The following NETO2 variants were observed in gnomAD, a reference collection of about 807,000 sequenced individuals.
The protein encoded by NETO2 is neuropilin and tolloid like 2.
A neutral mutation model predicts 62.5 loss-of-function variants in NETO2; 28 were observed. That is an observed-to-expected ratio of 0.45 (90% confidence interval 0.33 to 0.61). NETO2 has a LOEUF of 0.61. NETO2 is among the 20% of genes least tolerant of loss of function. NETO2 has a pLI of 0.02. For missense variants in NETO2, 548 were observed against 643.2 expected (o/e 0.85, Z 1.60); for synonymous variants, 214 against 219.1 (o/e 0.98, Z 0.21).
intron 1 of NETO2, among the ~76,000 whole-genome samples, chr16:47,135,846 T>C (rs1165757826): frequency 6.6e-6 from 1 of 152,112 alleles, no homozygotes; most frequent in Non-Finnish European, 1.5e-5. Context: ...AAGACAAAAT[T>C]ATTATTTATA....
At chr16:47,089,531 A>C (rs953522750) in intron 7 of NETO2, among the ~76,000 whole-genome samples, 3 of 152,216 alleles carry the variant, frequency 2.0e-5, no homozygotes, top group Non-Finnish European at 4.4e-5. Flanking sequence ...TATATATCTA[A>C]TAAGTAATTT....
chr16:47,109,736 G>A, intron 6 of NETO2, 25 bp from the exon 7 acceptor site: 1 of 1,484,232 alleles, frequency 6.7e-7, no homozygotes. Context: ...CAAAAACACT[G>A]CTTTTAAAAA....
intron 4 of NETO2, 68 bp from the exon 5 acceptor site, chr16:47,122,980 T>A: frequency 7.0e-7 from 1 of 1,431,284 alleles, no homozygotes; most frequent in South Asian, 1.2e-5. Context: ...TGTCTTACAT[T>A]ACATCTAACG....
chr16:47,138,213 A>C (rs1342280183), intron 1 of NETO2, among the ~76,000 whole-genome samples: 1 of 152,248 alleles, frequency 6.6e-6, no homozygotes, highest in Non-Finnish European at 1.5e-5. Context: ...CAGCCTGAAC[A>C]ATATGGTGAA....
intron 7 of NETO2, among the ~76,000 whole-genome samples, chr16:47,095,119 T>G (rs1461410312): frequency 1.3e-5 from 2 of 152,230 alleles, no homozygotes; most frequent in Non-Finnish European, 2.9e-5. Context: ...ACTTCCCACA[T>G]GCTTACCAAA....
At chr16:47,141,154 T>C (rs1964454910) in intron 1 of NETO2, among the ~76,000 whole-genome samples, 1 of 152,216 alleles carries the variant, frequency 6.6e-6, no homozygotes, top group South Asian at 2.1e-4. Context: ...CTTAAAGAAC[T>C]AAAATTACTT....
At chr16:47,092,723 G>A (rs972976852) in intron 7 of NETO2, among the ~76,000 whole-genome samples, 1 of 152,184 alleles carries the variant, frequency 6.6e-6, no homozygotes, top group African/African-American at 2.4e-5. Context: ...AATTTAAAAG[G>A]TTTTAGAAAC....
intron 6 of NETO2, among the ~76,000 whole-genome samples, chr16:47,118,666 C>T (rs991259485): frequency 1.3e-5 from 2 of 152,150 alleles, no homozygotes; most frequent in African/African-American, 4.8e-5. Context: ...TATGCAAAAA[C>T]AGACAAAAAT....
chr16:47,140,271 T>G (rs1284539198), intron 1 of NETO2, among the ~76,000 whole-genome samples: 1 of 152,160 alleles, frequency 6.6e-6, no homozygotes, highest in Non-Finnish European at 1.5e-5. Flanking sequence ...CCTTTCCAAC[T>G]CAAAGATCAT....
intron 7 of NETO2, among the ~76,000 whole-genome samples, 156 bp from the exon 8 acceptor site, chr16:47,086,495 TTC>T (rs1963193187): frequency 6.6e-6 from 1 of 152,242 alleles, no homozygotes; most frequent in African/African-American, 2.4e-5. Context: ...AACGTCAATA[TTC>T]TCTGATGCTG....
At chr16:47,117,890 C>T (rs919467770) in intron 6 of NETO2, among the ~76,000 whole-genome samples, 1 of 152,068 alleles carries the variant, frequency 6.6e-6, no homozygotes, top group Non-Finnish European at 1.5e-5. Context: ...AGTTTGAGAA[C>T]AGCCTAGGCA....
At chr16:47,127,298 A>G (rs1436048881) in intron 4 of NETO2, among the ~76,000 whole-genome samples, 2 of 152,162 alleles carry the variant, frequency 1.3e-5, no homozygotes, top group Admixed American at 1.3e-4. Flanking sequence ...AGGGCTTTAC[A>G]GTTCTCAGAG....
At chr16:47,088,086 C>G (rs1272200779) in intron 7 of NETO2, among the ~76,000 whole-genome samples, 1 of 152,122 alleles carries the variant, frequency 6.6e-6, no homozygotes, top group Non-Finnish European at 1.5e-5. Context: ...ACGACAGAAG[C>G]CCAAAAACCT....
At chr16:47,108,351 T>C (rs1963716977) in intron 7 of NETO2, among the ~76,000 whole-genome samples, 1 of 151,960 alleles carries the variant, frequency 6.6e-6, no homozygotes, top group African/African-American at 2.4e-5. Flanking sequence ...ACTTATTAAT[T>C]AGAAAGGAAA....
chr16:47,101,745 AAGG>A (rs1280278943), intron 7 of NETO2, among the ~76,000 whole-genome samples: 8 of 152,212 alleles, frequency 5.3e-5, no homozygotes. Context: ...GGACCACTTC[AAGG>A]AGAACTACAA....
At chr16:47,089,943 T>A (rs117194207) in intron 7 of NETO2, among the ~76,000 whole-genome samples, 1,690 of 152,338 alleles carry the variant, frequency 0.011, 16 homozygotes, top group Non-Finnish European at 0.015. Context: ...TATGTTCTAA[T>A]TCTACTACCT....
chr16:47,086,639 G>A (rs1963196525), intron 7 of NETO2, among the ~76,000 whole-genome samples: 1 of 152,098 alleles, frequency 6.6e-6, no homozygotes, highest in South Asian at 2.1e-4. Flanking sequence ...AACTTTGAAA[G>A]ACAATGTTGG....
intron 7 of NETO2, among the ~76,000 whole-genome samples, chr16:47,106,019 C>T (rs1963665317): frequency 2.0e-5 from 3 of 152,060 alleles, no homozygotes; most frequent in Non-Finnish European, 4.4e-5. Flanking sequence ...CATCCATCAA[C>T]AGATGAATGA....
At chr16:47,137,394 G>A (rs1278498598) in intron 1 of NETO2, among the ~76,000 whole-genome samples, 5 of 152,160 alleles carry the variant, frequency 3.3e-5, no homozygotes, top group Non-Finnish European at 5.9e-5. Flanking sequence ...ACTGCAACAG[G>A]AGCATGGCAG....
Sources: allele counts gnomAD v4.1 joint callset (sites outside exome capture counted in the v4.1 genomes callset), GRCh38; gene constraint gnomAD v4.1.1; transcripts MANE v1.5; gene names NCBI Gene and HGNC (gene_info 2026-07-23, HGNC 2026-07-21).